The following RHBDD1 variants were observed in gnomAD, a reference collection of about 807,000 sequenced individuals.
RHBDD1 encodes rhomboid-related protein 4.
RHBDD1 carries 38 observed loss-of-function variants against 36.3 expected under a neutral mutation model. That is an observed-to-expected ratio of 1.05 (90% CI 0.81 to 1.37). The LOEUF (loss-of-function observed/expected upper bound fraction) is 1.37. Among genes scored for constraint, RHBDD1 ranks in the 40% most tolerant of loss-of-function variants. RHBDD1 has a pLI of 0.00. For missense variants in RHBDD1, 393 were observed against 377.6 expected (o/e 1.04, Z -0.34); for synonymous variants, 151 against 136.5 (o/e 1.11, Z -0.74).
In RHBDD1 at chr2:226,864,997, A is replaced by C. The variant is rs35800367; in HGVS notation, c.304A>C (p.Arg102=). ...GINLERRLGS[R]WFAYVITAFS... ...AAATCTAGAAAGAAGACTGGGAAGTAGATGGTTTGCCTATGTTATCACCGC... is the reference window on the plus strand; with the variant it reads ...AAATCTAGAAAGAAGACTGGGAAGTCGATGGTTTGCCTATGTTATCACCGC... Residue 102 remains arginine (R), a synonymous_variant, in exon 4 of 9, where the codon AGA becomes CGA. Transcript: ENST00000392062. 7,358 of 1,614,236 alleles carry C rather than the reference A, an allele frequency of 4.6e-3. 155 individuals carry two copies. Among genetic ancestry groups the C allele is most frequent in the South Asian group, 0.041 (3,758 of 91,078 alleles).
At chr2:226,848,397 C>T (rs756710208) in intron 3 of RHBDD1, among the ~76,000 whole-genome samples, 9 of 152,142 alleles carry the variant, frequency 5.9e-5, no homozygotes, top group Non-Finnish European at 1.3e-4. Context: ...AAGATGATGT[C>T]CTCCCTAATT....
rs916415753 is a variant in RHBDD1 at position 226,997,782 on chromosome 2, A to C, written c.*2260A>C. 6.6e-6 allele frequency: 1 copy of C among 152,226 alleles called. No homozygotes were observed. The highest frequency in any genetic ancestry group is 2.4e-5 in the African/African-American group (1 of 41,464). 9.4% of individuals were successfully genotyped at this position (152,226 alleles called of 1,614,324 possible). On this transcript the variant is annotated 3_prime_UTR_variant, in exon 9 of 9. Transcript: ENST00000392062. ...ACATCTTAGTGATGTGAGAAAGGTC[A>C]TTTTAGTTATAAATGTAAACCAATT...
upstream of RHBDD1, among the ~76,000 whole-genome samples, chr2:226,833,771 C>G (rs79152403): frequency 8.2e-4 from 125 of 152,266 alleles, no homozygotes; most frequent in East Asian, 0.017. Flanking sequence ...AAGCCTTGCT[C>G]AGTGAAAGGA....
chr2:226,829,558 A>G, the RHBDD1 span, among the ~76,000 whole-genome samples: 1 of 152,148 alleles, frequency 6.6e-6, no homozygotes, highest in South Asian at 2.1e-4. Context: ...CAAGCCTTAC[A>G]CTTCTTTTAT....
intron 3 of RHBDD1, among the ~76,000 whole-genome samples, chr2:226,849,719 A>G (rs910859565): frequency 3.9e-5 from 6 of 152,200 alleles, no homozygotes; most frequent in African/African-American, 7.2e-5. Flanking sequence ...GCCTATATCT[A>G]TATCTATATA....
intron 8 of RHBDD1, among the ~76,000 whole-genome samples, chr2:226,981,569 T>C (rs80149019): frequency 1.3e-4 from 19 of 150,168 alleles, no homozygotes; most frequent in African/African-American, 1.7e-4. Context: ...TGCACACACA[T>C]ACACACACAC....
At chr2:226,905,176 G>A (rs538383195) in intron 5 of RHBDD1, among the ~76,000 whole-genome samples, 5 of 148,112 alleles carry the variant, frequency 3.4e-5, no homozygotes, top group Admixed American at 6.8e-5. Flanking sequence ...TTTTTTTTAA[G>A]CTTCTAATTT....
intron 5 of RHBDD1, among the ~76,000 whole-genome samples, chr2:226,894,329 A>AGATCATCTTAGCTC (rs1311997182): frequency 2.6e-5 from 4 of 152,280 alleles, no homozygotes; most frequent in African/African-American, 9.6e-5. Context: ...GAGTACATTG[A>AGATCATCTTAGCTC]GATCATCTTA....
Position 226,997,735 on chromosome 2 carries a change from G to A in RHBDD1, c.*2213G>A, listed in dbSNP as rs956920025. ...ATTTTGGGTGGTAAAATTGTGATAC[G>A]CATGGCTGTTGATGGAGTGGAACAT... On this transcript the variant is annotated 3_prime_UTR_variant, in exon 9 of 9. Coordinates refer to ENST00000392062, the MANE Select transcript of RHBDD1 (RefSeq NM_001167608.3). 4 of 152,128 alleles carry A rather than the reference G, an allele frequency of 2.6e-5. No homozygotes were observed. Among genetic ancestry groups the A allele is most frequent in the African/African-American group, 4.8e-5 (2 of 41,444 alleles). The allele number at this position is 152,128 out of a possible 1,614,324, so 9.4% of individuals were successfully genotyped here.
intron 8 of RHBDD1, among the ~76,000 whole-genome samples, chr2:226,965,324 A>T (rs773199012): frequency 6.6e-6 from 1 of 152,206 alleles, no homozygotes; most frequent in Non-Finnish European, 1.5e-5. Flanking sequence ...CCTGCCAACA[A>T]CCTTGATGTC....
chr2:226,979,076 A>T (rs1955118242), intron 8 of RHBDD1, among the ~76,000 whole-genome samples: 1 of 152,164 alleles, frequency 6.6e-6, no homozygotes, highest in Admixed American at 6.5e-5. Context: ...GGGGAAAGAA[A>T]GAAGCTATTC....
intron 3 of RHBDD1, among the ~76,000 whole-genome samples, chr2:226,840,742 A>G (rs974643784): frequency 4.6e-5 from 7 of 152,234 alleles, no homozygotes; most frequent in Admixed American, 2.0e-4. Context: ...TGCATTTTTA[A>G]TGCAAAGTCA....
intron 5 of RHBDD1, among the ~76,000 whole-genome samples, chr2:226,906,384 A>T (rs73085848): frequency 6.6e-6 from 1 of 152,166 alleles, no homozygotes; most frequent in African/African-American, 2.4e-5. Context: ...CATAACACAG[A>T]TAGACATCAT....
At chr2:226,939,355 T>C (rs907951452) in intron 8 of RHBDD1, among the ~76,000 whole-genome samples, 4 of 152,232 alleles carry the variant, frequency 2.6e-5, no homozygotes, top group African/African-American at 7.2e-5. Context: ...GTAGATGACA[T>C]GATCCTATAT....
chr2:226,982,797 G>T (rs908386001), intron 8 of RHBDD1, among the ~76,000 whole-genome samples: 2 of 152,160 alleles, frequency 1.3e-5, no homozygotes, highest in African/African-American at 4.8e-5. Context: ...CACCCACTAT[G>T]TACCAGGCAC....
intron 3 of RHBDD1, among the ~76,000 whole-genome samples, chr2:226,854,818 A>G (rs1214956386): frequency 6.6e-6 from 1 of 152,118 alleles, no homozygotes; most frequent in Non-Finnish European, 1.5e-5. Context: ...AAAGTCATTG[A>G]GTGGATTGAG....
chr2:226,896,543 A>C (rs1170141798), intron 5 of RHBDD1, among the ~76,000 whole-genome samples: 1 of 152,258 alleles, frequency 6.6e-6, no homozygotes, highest in Non-Finnish European at 1.5e-5. Context: ...TTTTACCGGG[A>C]CTACATTATT....
Position 226,867,198 on chromosome 2 carries a change from C to T in RHBDD1, c.446C>T (p.Ala149Val), listed in dbSNP as rs754969451. 2 of 1,608,504 alleles carry T rather than the reference C, an allele frequency of 1.2e-6. No homozygotes were observed. The highest frequency in any genetic ancestry group is 1.3e-5 in the African/African-American group (1 of 74,558). ...CATTCTCTTTTAGGAGTTTTGTTTG[C>T]TTTGAAAGTTCTTAACAACCATTAT... ...CAVGFSGVLF[A>V]LKVLNNHYCP... Residue 149 changes from alanine (A) to valine (V), a missense_variant, in exon 5 of 9, where the codon GCT becomes GTT. Ala to Val is a moderately conservative substitution (Grantham distance 64). Coordinates refer to ENST00000392062, the MANE Select transcript of RHBDD1 (RefSeq NM_001167608.3).
At chr2:226,833,993 T>C (rs1434498555), upstream of RHBDD1, among the ~76,000 whole-genome samples, 1 of 152,236 alleles carries the variant, frequency 6.6e-6, no homozygotes, top group East Asian at 1.9e-4. Context: ...GTTAAATGTC[T>C]TTTACCCCTT....
Sources: allele counts gnomAD v4.1 joint callset (sites outside exome capture counted in the v4.1 genomes callset), GRCh38; gene constraint gnomAD v4.1.1; transcripts MANE v1.5; gene names NCBI Gene and HGNC (gene_info 2026-07-23, HGNC 2026-07-21).